Variants in MAGI1 observed in about 807,000 individuals in gnomAD.
The protein encoded by MAGI1 is membrane associated guanylate kinase, WW and PDZ domain containing 1.
MAGI1 carries 58 observed loss-of-function variants against 139.9 expected under a neutral mutation model. The observed-to-expected ratio is 0.41, with a 90% CI of 0.34 to 0.52. The LOEUF is 0.52. Among genes scored for constraint, MAGI1 ranks in the 20% least tolerant of loss-of-function variants. The pLI is 0.12. For missense variants in MAGI1, 1,874 were observed against 1,901.6 expected (o/e 0.99, Z 0.27); for synonymous variants, 812 against 737.9 (o/e 1.10, Z -1.63).
At chr3:65,757,560 C>T (rs1359747504) in intron 1 of MAGI1, among the ~76,000 whole-genome samples, 1 of 152,152 alleles carries the variant, frequency 6.6e-6, no homozygotes, top group Admixed American at 6.5e-5. Context: ...ATTGCTTGAA[C>T]CCAGGAGGCA....
At chr3:65,779,302 A>G (rs570308438) in intron 1 of MAGI1, among the ~76,000 whole-genome samples, 2 of 152,320 alleles carry the variant, frequency 1.3e-5, no homozygotes, top group East Asian at 3.9e-4. Flanking sequence ...AATGTGCACA[A>G]ATAGAATATT....
At chr3:65,579,184 G>A (rs538027186) in intron 2 of MAGI1, among the ~76,000 whole-genome samples, 32 of 152,100 alleles carry the variant, frequency 2.1e-4, no homozygotes, top group African/African-American at 7.5e-4. Flanking sequence ...GATTCTACCA[G>A]CTCATCCCAA....
At chr3:65,812,468 T>TCTCACACACACACACA (rs1176899313) in intron 1 of MAGI1, among the ~76,000 whole-genome samples, 5 of 89,086 alleles carry the variant, frequency 5.6e-5, no homozygotes, top group African/African-American at 1.3e-4. Flanking sequence ...TCTCTCTCTC[T>TCTCACACACACACACA]CACACACACA....
Position 65,356,781 on chromosome 3 carries a change from C to A in MAGI1, c.3986G>T (p.Gly1329Val). ...KRRSPEKRRE[G>V]TRSADNTLER... ...CAAAGTGTTGTCGGCGCTGCGGGTG[C>A]CCTCCCTCCGCTTCTCTGGGGACCG... Residue 1329 changes from glycine to valine, a missense_variant, in exon 23 of 23, where the codon GGC becomes GTC. Gly to Val is a moderately radical substitution (Grantham distance 109, BLOSUM62 -3). This residue lies in a region of MAGI1 where 653 missense variants were observed against 644.5 expected (regional missense o/e 1.01). Transcript: ENST00000402939. The A allele has an allele frequency of 6.2e-7, 1 of 1,608,090 alleles. No homozygotes were observed. Among genetic ancestry groups the A allele is most frequent in the Non-Finnish European group, 8.5e-7 (1 of 1,177,126 alleles).
chr3:66,028,277 C>A (rs570864345), intron 1 of MAGI1, among the ~76,000 whole-genome samples: 2 of 152,164 alleles, frequency 1.3e-5, no homozygotes, highest in African/African-American at 4.8e-5. Context: ...AAGATCACAG[C>A]TGCTTGTAGG....
chr3:65,666,593 T>A (rs2086542675), intron 1 of MAGI1, among the ~76,000 whole-genome samples: 1 of 152,250 alleles, frequency 6.6e-6, no homozygotes, highest in Admixed American at 6.5e-5. Flanking sequence ...GACACATGTC[T>A]AAACTATGTT....
At chr3:65,465,588 G>A (rs946181500) in intron 5 of MAGI1, among the ~76,000 whole-genome samples, 3 of 152,070 alleles carry the variant, frequency 2.0e-5, no homozygotes, top group African/African-American at 7.2e-5. Flanking sequence ...TGTTGTTTCT[G>A]ATGACAAATA....
chr3:65,812,837 G>A (rs1206601011), intron 1 of MAGI1, among the ~76,000 whole-genome samples: 1 of 148,104 alleles, frequency 6.8e-6, no homozygotes, highest in Non-Finnish European at 1.5e-5. Context: ...CAGCCTCCAA[G>A]TAGCTGGGAC....
chr3:65,536,779 G>C (rs2078975876), intron 2 of MAGI1, among the ~76,000 whole-genome samples: 1 of 152,144 alleles, frequency 6.6e-6, no homozygotes, highest in South Asian at 2.1e-4. Flanking sequence ...TTTTCATGAA[G>C]GATGCTAAGC....
intron 1 of MAGI1, among the ~76,000 whole-genome samples, chr3:65,676,448 C>T (rs6765502): frequency 0.27 from 40,724 of 151,984 alleles, 7,611 homozygotes; most frequent in African/African-American, 0.53. Flanking sequence ...ATTTCTGAAT[C>T]CTCAGATTTT....
At chr3:65,576,788 A>G (rs2081198394) in intron 2 of MAGI1, among the ~76,000 whole-genome samples, 1 of 152,034 alleles carries the variant, frequency 6.6e-6, no homozygotes, top group African/African-American at 2.4e-5. Flanking sequence ...ACACAATACC[A>G]CATTTAGGTA....
chr3:65,605,159 G>T (rs573059658), intron 2 of MAGI1, among the ~76,000 whole-genome samples: 1 of 152,146 alleles, frequency 6.6e-6, no homozygotes, highest in Non-Finnish European at 1.5e-5. Context: ...TTTGCATGAC[G>T]AGACCTCACT....
chr3:65,923,433 G>A (rs1345369662), intron 1 of MAGI1, among the ~76,000 whole-genome samples: 1 of 151,830 alleles, frequency 6.6e-6, no homozygotes, highest in African/African-American at 2.4e-5. Flanking sequence ...CACCATGTTG[G>A]TCAGGATGGT....
intron 1 of MAGI1, among the ~76,000 whole-genome samples, chr3:65,880,607 G>T (rs1312849137): frequency 6.6e-6 from 1 of 151,964 alleles, no homozygotes; most frequent in Non-Finnish European, 1.5e-5. Flanking sequence ...ATATGAAATG[G>T]CCATGTCATA....
At chr3:65,919,389 C>T (rs1369507766) in intron 1 of MAGI1, among the ~76,000 whole-genome samples, 2 of 151,838 alleles carry the variant, frequency 1.3e-5, no homozygotes, top group Admixed American at 6.6e-5. Context: ...ACAGGGAGAC[C>T]CCATCTCTAC....
At chr3:65,931,747 C>T (rs1260132282) in intron 1 of MAGI1, among the ~76,000 whole-genome samples, 1 of 152,138 alleles carries the variant, frequency 6.6e-6, no homozygotes, top group Non-Finnish European at 1.5e-5. Flanking sequence ...CGCTATTATT[C>T]CTCTCTGTGG....
At chr3:65,504,776 G>A (rs757906190) in intron 2 of MAGI1, among the ~76,000 whole-genome samples, 1 of 152,140 alleles carries the variant, frequency 6.6e-6, no homozygotes, top group Non-Finnish European at 1.5e-5. Context: ...CTCTTAACCA[G>A]AATACTGAGG....
intron 2 of MAGI1, among the ~76,000 whole-genome samples, chr3:65,557,231 A>G (rs747442878): frequency 6.6e-5 from 10 of 152,192 alleles, no homozygotes; most frequent in Non-Finnish European, 1.5e-4. Context: ...AGGTTATAAG[A>G]CACTGTCCCT....
intron 18 of MAGI1, among the ~76,000 whole-genome samples, chr3:65,369,037 G>A (rs1206572195): frequency 1.3e-5 from 2 of 152,152 alleles, no homozygotes; most frequent in East Asian, 3.9e-4. Context: ...GATTCAGTAA[G>A]TTCAGCTATT....
Sources: gnomAD v4.1 joint callset for allele counts (sites outside exome capture counted in the v4.1 genomes callset) on GRCh38, gnomAD v4.1.1 for gene constraint, gnomAD v4.1.1 regional missense constraint, MANE v1.5 for transcripts, NCBI Gene and HGNC (gene_info 2026-07-23, HGNC 2026-07-21) for gene names.